SLC12A6: variants seen among roughly 807,000 people sequenced by gnomAD.
SLC12A6 encodes K-Cl cotransporter 3.
Under a neutral mutation model 135.3 loss-of-function variants are expected in SLC12A6, and 66 were observed. The observed-to-expected ratio is 0.49, with a 90% CI of 0.40 to 0.60. The LOEUF (loss-of-function observed/expected upper bound fraction) is 0.60, where lower values mean the gene tolerates loss of function less well. SLC12A6 is among the 20% of genes least tolerant of loss of function. The pLI, the probability that SLC12A6 is intolerant of heterozygous loss-of-function variation, is 0.00. For synonymous variants in SLC12A6, 513 were observed against 508.8 expected (o/e 1.01, Z -0.11); for missense variants, 1,058 against 1,452.3 (o/e 0.73, Z 4.41).
intron 2 of SLC12A6, among the ~76,000 whole-genome samples, chr15:34,332,111 G>A (rs989756061): frequency 6.6e-6 from 1 of 152,144 alleles, no homozygotes; most frequent in Non-Finnish European, 1.5e-5. Flanking sequence ...TATCTTAGTT[G>A]ATCATTTTCC....
intron 20 of SLC12A6, 176 bp from the exon 21 acceptor site, chr15:34,238,577 CAGACTG>C (rs1363464906): frequency 3.0e-6 from 2 of 656,530 alleles, no homozygotes; most frequent in African/African-American, 3.6e-5. Context: ...GAATAGCTAA[CAGACTG>C]AGAACCACAG....
At chr15:34,319,301 A>C (rs368168861) in intron 2 of SLC12A6, among the ~76,000 whole-genome samples, 1 of 150,154 alleles carries the variant, frequency 6.7e-6, no homozygotes, top group East Asian at 2.0e-4. Flanking sequence ...ATGCCCAGCT[A>C]ATTTTTTTTT....
chr15:34,328,990 A>C (rs765524943), intron 2 of SLC12A6, among the ~76,000 whole-genome samples: 25 of 152,254 alleles, frequency 1.6e-4, no homozygotes, highest in Non-Finnish European at 2.4e-4. Flanking sequence ...TGTAAAACTT[A>C]TAAAACTTCA....
chr15:34,324,486 A>G (rs925144175), intron 2 of SLC12A6, among the ~76,000 whole-genome samples: 4 of 152,312 alleles, frequency 2.6e-5, no homozygotes, highest in African/African-American at 9.6e-5. Context: ...AAAAATAGTT[A>G]GCATGCCCAT....
chr15:34,300,990 A>AG (rs886898359), intron 2 of SLC12A6, among the ~76,000 whole-genome samples: 2 of 152,018 alleles, frequency 1.3e-5, no homozygotes, highest in Non-Finnish European at 2.9e-5. Flanking sequence ...TTTTTTGAGA[A>AG]GGAGTTTCAC....
intron 2 of SLC12A6, among the ~76,000 whole-genome samples, chr15:34,275,617 C>A (rs1478931494): frequency 1.3e-5 from 2 of 152,108 alleles, no homozygotes; most frequent in Non-Finnish European, 2.9e-5. Context: ...CCTAATTATA[C>A]TTCCAAAATA....
chr15:34,317,418 T>C (rs1380980933), intron 2 of SLC12A6, among the ~76,000 whole-genome samples: 1 of 152,122 alleles, frequency 6.6e-6, no homozygotes, highest in Non-Finnish European at 1.5e-5. Context: ...AAAAGTAACT[T>C]TGAGGCCGGA....
chr15:34,336,649 G>A lies in SLC12A6; in HGVS notation c.32C>T (p.Ala11Val), dbSNP rs377072265. The change falls in exon 2 of 26, where the codon GCT becomes GTT. Residue 11 changes from alanine (A) to valine (V), a missense_variant. Coordinates refer to ENST00000354181, the MANE Select transcript of SLC12A6 (RefSeq NM_001365088.1). Reference sequence around the variant, plus strand: ...CGGTGTCACCATGAACCGAACTGAAGCCATCTTGGTGGTGGTTTCTGGAGG... The same window carrying A: ...CGGTGTCACCATGAACCGAACTGAAACCATCTTGGTGGTGGTTTCTGGAGG... MHPPETTTKM[A>V]SVRFMVTPTK... 3.1e-6 allele frequency: 5 copies of A among 1,613,880 alleles called. No homozygotes were observed. The African/African-American group carries it at 6.7e-5, about 22-fold the overall frequency.
intron 19 of SLC12A6, 56 bp downstream of exon 19, chr15:34,240,604 AC>A (rs1430913377): frequency 1.4e-5 from 20 of 1,429,490 alleles, no homozygotes; most frequent in Non-Finnish European, 2.0e-5. Flanking sequence ...AGGTCTTACT[AC>A]TTAACATCAC....
intron 2 of SLC12A6, among the ~76,000 whole-genome samples, chr15:34,319,527 C>T (rs1490908316): frequency 3.3e-5 from 5 of 152,118 alleles, no homozygotes; most frequent in South Asian, 4.1e-4. Context: ...GGCTGTGCGC[C>T]GTTGCTCACA....
At chr15:34,324,113 G>GT (rs1485603766) in intron 2 of SLC12A6, among the ~76,000 whole-genome samples, 22 of 151,874 alleles carry the variant, frequency 1.4e-4, no homozygotes, top group African/African-American at 4.8e-4. Context: ...AAATAAAAGC[G>GT]TAAGTCCACA....
chr15:34,333,939 G>A (rs8033032), intron 2 of SLC12A6, among the ~76,000 whole-genome samples: 18,569 of 151,694 alleles, frequency 0.12, 1,314 homozygotes, highest in East Asian at 0.33. Context: ...GTGTGGTGGT[G>A]CATGCCTGTA....
chr15:34,332,942 T>C (rs758570853), intron 2 of SLC12A6, among the ~76,000 whole-genome samples: 16 of 152,188 alleles, frequency 1.1e-4, no homozygotes, highest in Non-Finnish European at 1.9e-4. Context: ...TCAGGAGGCC[T>C]GAACTTCAGT....
Position 34,257,704 on chromosome 15 carries a change from A to C in SLC12A6, c.628T>G (p.Trp210Gly). The C allele has an allele frequency of 6.2e-7, 1 of 1,611,940 alleles. No individual in the cohort carries two copies. The highest frequency in any genetic ancestry group is 8.5e-7 in the Non-Finnish European group (1 of 1,178,036). ...FGVILFLRLT[W>G]VVGTAGVLQA... is the part of the protein sequence containing the mutation. ...AGAACTCCAGCTGTGCCCACCACCC[A>C]TGTAAGGCGTAAAAAAAGGATCACT... Residue 210 changes from tryptophan (W) to glycine (G), a missense_variant, in exon 6 of 26, where the codon TGG becomes GGG. By Grantham distance (184) the Trp-to-Gly change is radical (BLOSUM62 -2). Around this residue, in one of 6 missense-constraint regions of SLC12A6, gnomAD observed 139 missense variants for 202.2 expected, o/e 0.69. Coordinates refer to ENST00000354181, the MANE Select transcript of SLC12A6 (RefSeq NM_001365088.1).
intron 2 of SLC12A6, among the ~76,000 whole-genome samples, chr15:34,282,978 A>G (rs900664796): frequency 2.0e-5 from 3 of 152,188 alleles, no homozygotes; most frequent in Admixed American, 2.0e-4. Context: ...TCATTTTTCC[A>G]TGTGCTAGGG....
chr15:34,313,781 T>C (rs530904575), intron 2 of SLC12A6, among the ~76,000 whole-genome samples: 3 of 152,094 alleles, frequency 2.0e-5, no homozygotes, highest in Admixed American at 6.6e-5. Context: ...TCAATGCTCA[T>C]TTACTGTTCT....
chr15:34,320,667 A>AG (rs1889014863), intron 2 of SLC12A6, among the ~76,000 whole-genome samples: 3 of 151,156 alleles, frequency 2.0e-5, no homozygotes, highest in Non-Finnish European at 4.4e-5. Context: ...CTGTAATCCC[A>AG]GCACTTTGGG....
chr15:34,238,755 A>C, intron 20 of SLC12A6: 1 of 645,792 alleles, frequency 1.5e-6, no homozygotes, highest in Non-Finnish European at 2.8e-6. Flanking sequence ...TTCCTAGCAC[A>C]AGACTTGACA....
At chr15:34,260,748 G>C (rs904891540) in intron 4 of SLC12A6, among the ~76,000 whole-genome samples, 178 bp downstream of exon 4, 2 of 152,136 alleles carry the variant, frequency 1.3e-5, no homozygotes, top group African/African-American at 4.8e-5. Context: ...TGATTTAATA[G>C]TTACTCACTA....
Sources: allele counts gnomAD v4.1 joint callset (sites outside exome capture counted in the v4.1 genomes callset), GRCh38; gene constraint gnomAD v4.1.1; regional missense constraint gnomAD v4.1.1; transcripts MANE v1.5; gene names NCBI Gene and HGNC (gene_info 2026-07-23, HGNC 2026-07-21).